The following GALNT2 variants were observed in gnomAD, a reference collection of about 807,000 sequenced individuals.
GALNT2 encodes the protein polypeptide N-acetylgalactosaminyltransferase 2.
Under a neutral mutation model 81.4 loss-of-function variants are expected in GALNT2, and 31 were observed. The ratio of observed to expected loss-of-function variants is 0.38; its 90% CI spans 0.29 to 0.51. The LOEUF (loss-of-function observed/expected upper bound fraction) is 0.51, where lower values mean the gene tolerates loss of function less well. GALNT2 is among the 20% of genes least tolerant of loss of function. The pLI is 0.87. For missense variants in GALNT2, 629 were observed against 765.7 expected, an observed-to-expected ratio of 0.82 and a Z score of 2.11; for synonymous variants, 303 against 287.4, an observed-to-expected ratio of 1.05 and a Z score of -0.55.
chr1:230,075,959 G>A lies in GALNT2; in HGVS notation c.126+8553G>A, dbSNP rs963029666. 6.6e-5 allele frequency among the ~76,000 whole-genome samples: 10 copies of A among 152,172 alleles called. 3 individuals are homozygous for A. The highest frequency in any genetic ancestry group is 6.5e-5 in the Admixed American group (1 of 15,290). ...TTTTCGGTGATCTCTCTACTCCTTG[G>A]TTTCTTTTGCTAAACAAATGAGCCA... On this transcript the variant is annotated intron_variant, in intron 1 of 15. Coordinates refer to ENST00000366672, the MANE Select transcript of GALNT2 (RefSeq NM_004481.5).
At chr1:230,217,734 G>T (rs60831018) in intron 3 of GALNT2, among the ~76,000 whole-genome samples, 20,203 of 152,152 alleles carry the variant, frequency 0.13, 1,421 homozygotes, top group Non-Finnish European at 0.15. Flanking sequence ...TCTTCCAGAG[G>T]GGACAAATGC....
intron 1 of GALNT2, among the ~76,000 whole-genome samples, chr1:230,170,783 G>T (rs1422196689): frequency 6.6e-6 from 1 of 152,076 alleles, no homozygotes; most frequent in East Asian, 1.9e-4. Context: ...AGGGGAGGAG[G>T]TGCCAGGTTC....
At chr1:230,083,862 G>A (rs1205530368) in intron 1 of GALNT2, among the ~76,000 whole-genome samples, 4 of 152,086 alleles carry the variant, frequency 2.6e-5, no homozygotes, top group African/African-American at 9.7e-5. Flanking sequence ...CAATAGAAGG[G>A]GGCCGGAGGG....
intron 1 of GALNT2, among the ~76,000 whole-genome samples, chr1:230,085,211 C>T (rs1044618352): frequency 6.6e-6 from 1 of 152,156 alleles, no homozygotes; most frequent in Non-Finnish European, 1.5e-5. Flanking sequence ...CTGAAGCATA[C>T]CCTGACAGTG....
chr1:230,069,506 A>G (rs1223053529), intron 1 of GALNT2, among the ~76,000 whole-genome samples: 1 of 152,176 alleles, frequency 6.6e-6, no homozygotes, highest in Admixed American at 6.5e-5. Flanking sequence ...TTGAAATTGC[A>G]GTGGAAGACT....
chr1:230,066,997 G>T (rs1287411422), upstream of GALNT2, among the ~76,000 whole-genome samples: 3 of 148,578 alleles, frequency 2.0e-5, no homozygotes, highest in Admixed American at 6.7e-5. Context: ...CCCGCGCCCC[G>T]GCCCCCGCAG....
intron 9 of GALNT2, 82 bp downstream of exon 9, chr1:230,249,353 A>AG: frequency 8.0e-7 from 1 of 1,250,588 alleles, no homozygotes; most frequent in Non-Finnish European, 1.1e-6. Flanking sequence ...CACCGCCTGG[A>AG]GACCCAGTGG....
intron 1 of GALNT2, among the ~76,000 whole-genome samples, chr1:230,068,437 T>G (rs1203775153): frequency 6.6e-6 from 1 of 152,240 alleles, no homozygotes; most frequent in Non-Finnish European, 1.5e-5. Flanking sequence ...AGCAGCGTTA[T>G]CTTTTCCGAA....
At chr1:230,210,122 A>T (rs1394741912) in intron 3 of GALNT2, among the ~76,000 whole-genome samples, 1 of 152,190 alleles carries the variant, frequency 6.6e-6, no homozygotes, top group Non-Finnish European at 1.5e-5. Context: ...CCGGGATCCA[A>T]ACTCCTTTCC....
At chr1:230,277,621 T>C (rs537130804) in intron 15 of GALNT2, among the ~76,000 whole-genome samples, 1 of 152,328 alleles carries the variant, frequency 6.6e-6, no homozygotes, top group East Asian at 1.9e-4. Flanking sequence ...TGTCTTTCCC[T>C]GCTGGCAAGA....
intron 1 of GALNT2, among the ~76,000 whole-genome samples, chr1:230,149,937 A>G (rs1185140193): frequency 6.6e-6 from 1 of 152,164 alleles, no homozygotes; most frequent in Non-Finnish European, 1.5e-5. Context: ...ATCTTGACAC[A>G]TGGGGTGCCT....
In GALNT2 at chr1:230,255,265, C is replaced by G; in HGVS notation, c.1057C>G (p.Pro353Ala). 1 of 1,614,202 alleles carries G rather than the reference C, an allele frequency of 6.2e-7. No individual in the cohort carries two copies. Among genetic ancestry groups the G allele is most frequent in the Non-Finnish European group, 8.5e-7 (1 of 1,180,024 alleles). The change falls in exon 11 of 16, where the codon CCG becomes GCG. Residue 353 changes from proline (P) to alanine (A), a missense_variant. This residue lies in a region of GALNT2 where 360 missense variants were observed against 492.8 expected (regional missense o/e 0.73). Coordinates refer to ENST00000366672, the MANE Select transcript of GALNT2 (RefSeq NM_004481.5). Reference protein sequence around the residue: ...WQCGGSLEIIPCSRVGHVFRK... With the variant: ...WQCGGSLEIIACSRVGHVFRK... The stretch of plus-strand genomic sequence containing the variant: ...GTGTGGTGGCAGCCTGGAGATCATC[C>G]CGTGCAGCCGTGTGGGACACGTGTT...
chr1:230,132,153 A>G (rs1172624539), intron 1 of GALNT2, among the ~76,000 whole-genome samples: 23 of 152,074 alleles, frequency 1.5e-4, no homozygotes, highest in Admixed American at 1.4e-3. Flanking sequence ...TTCTACATTC[A>G]TCCCTTCAAT....
chr1:230,199,930 G>T (rs1360941233), intron 2 of GALNT2, among the ~76,000 whole-genome samples: 1 of 152,162 alleles, frequency 6.6e-6, no homozygotes, highest in Non-Finnish European at 1.5e-5. Flanking sequence ...TATTCTTTCT[G>T]CAGGGAAGCC....
At chr1:230,249,343 C>A in intron 9 of GALNT2, 72 bp downstream of exon 9, 1 of 1,396,290 alleles carries the variant, frequency 7.2e-7, no homozygotes, top group Non-Finnish European at 1.0e-6. Context: ...GCTGGGCCCG[C>A]ACCGCCTGGA....
At chr1:230,210,938 A>G (rs1320712989) in intron 3 of GALNT2, among the ~76,000 whole-genome samples, 1 of 152,218 alleles carries the variant, frequency 6.6e-6, no homozygotes, top group Non-Finnish European at 1.5e-5. Flanking sequence ...TGCTGAAGCC[A>G]AGTGAAGGTT....
intron 1 of GALNT2, among the ~76,000 whole-genome samples, chr1:230,121,958 T>C (rs1330995142): frequency 6.7e-6 from 1 of 149,858 alleles, no homozygotes; most frequent in East Asian, 1.9e-4. Flanking sequence ...CTTTTTTTTT[T>C]TTTTTTTTTC....
chr1:230,171,846 G>A (rs928267367), intron 1 of GALNT2, among the ~76,000 whole-genome samples: 4 of 152,028 alleles, frequency 2.6e-5, no homozygotes, highest in African/African-American at 9.7e-5. Flanking sequence ...TAAGACATCA[G>A]CGTGAGATGA....
At chr1:230,175,605 T>TCCTCCTCCTCCTCCC (rs1662950150) in intron 1 of GALNT2, among the ~76,000 whole-genome samples, 1 of 101,124 alleles carries the variant, frequency 9.9e-6, no homozygotes, top group South Asian at 4.2e-4. Context: ...CTCCTCGTCC[T>TCCTCCTCCTCCTCCC]CCTCCTCCCC....
Sources: allele counts gnomAD v4.1 joint callset (sites outside exome capture counted in the v4.1 genomes callset), GRCh38; gene constraint gnomAD v4.1.1; regional missense constraint gnomAD v4.1.1; transcripts MANE v1.5; gene names NCBI Gene and HGNC (gene_info 2026-07-23, HGNC 2026-07-21).